The following SLTM variants were observed in gnomAD, a reference collection of about 807,000 sequenced individuals.
SLTM encodes the protein SAFB-like transcription modulator.
Under a neutral mutation model 134.6 loss-of-function variants are expected in SLTM, and 43 were observed. The ratio of observed to expected loss-of-function variants is 0.32; its 90% CI spans 0.25 to 0.41. The LOEUF is 0.41. Ranked by LOEUF, SLTM falls within the 10% of genes least tolerant of loss-of-function variation. The pLI is 1.00. For missense variants in SLTM, 1,055 were observed against 1,288.8 expected, an observed-to-expected ratio of 0.82 and a Z score of 2.78; for synonymous variants, 424 against 432.3, an observed-to-expected ratio of 0.98 and a Z score of 0.24.
At position 58,889,584 on chromosome 15, in the gene SLTM, C is replaced by G; in HGVS notation, c.2080-30G>C. ...AGACAACACAGAATGAAGAACCAAC[C>G]AAGGCAAAATGAAAACATAAGATAA... On this transcript the variant is annotated intron_variant, in intron 15 of 20. Transcript: ENST00000380516. 1.9e-6 allele frequency: 3 copies of G among 1,611,506 alleles called. No individual in the cohort carries two copies. In the South Asian group the frequency reaches 3.3e-5, roughly 18 times the overall value.
Position 58,933,494 on chromosome 15 carries a change from A to T in SLTM, c.72T>A (p.Asp24Glu), listed in dbSNP as rs1451449036. 1.2e-6 allele frequency: 2 copies of T among 1,600,404 alleles called. No individual in the cohort carries two copies. The highest frequency in any genetic ancestry group is 1.4e-5 in the African/African-American group (1 of 73,456). Residue 24 changes from aspartate (D) to glutamate (E), a missense_variant, in exon 1 of 21, where the codon GAT (aspartate) becomes GAA (glutamate). Transcript: ENST00000380516. ...SGQAEGKKIT[D>E]LRVIDLKSEL... is the part of the protein sequence containing the mutation. ...CGGACTTCAGATCGATGACCCGCAG[A>T]TCGGTGATCTTTTTACCTTCCGCCT... is the stretch of plus-strand genomic sequence containing the variant.
intron 15 of SLTM, 174 bp downstream of exon 15, chr15:58,890,107 A>AAGT: frequency 1.5e-6 from 1 of 669,564 alleles, no homozygotes. Flanking sequence ...AGTCACTACT[A>AAGT]ATTCTATTTT....
chr15:58,895,338 A>C (rs1379012187), intron 9 of SLTM, among the ~76,000 whole-genome samples: 1 of 152,216 alleles, frequency 6.6e-6, no homozygotes, highest in Non-Finnish European at 1.5e-5. Context: ...CCCCCGAAAA[A>C]CACCCTAAAG....
In SLTM at chr15:58,897,063, C is replaced by T. The variant is rs1054992234; in HGVS notation, c.1227+52G>A. On this transcript the variant is annotated intron_variant, in intron 9 of 20. Transcript: ENST00000380516. ...GTAATACTATTTAGAATACAATCCT[C>T]ATTTCAAATGCAGACACCAGAAAGA... 2.8e-5 allele frequency: 29 copies of T among 1,030,102 alleles called. No individual in the cohort carries two copies. The East Asian group carries it at 5.7e-4, about 20-fold the overall frequency. 63.8% of individuals were successfully genotyped at this position (1,030,102 alleles called of 1,614,324 possible). A position where few individuals can be genotyped will look rare whatever the true frequency, so the allele number is the denominator to read the frequency against.
chr15:58,930,208 G>A (rs1257294845), intron 2 of SLTM, among the ~76,000 whole-genome samples: 2 of 151,372 alleles, frequency 1.3e-5, no homozygotes, highest in Non-Finnish European at 2.9e-5. Flanking sequence ...GGGTTCAAGC[G>A]ATTCTCCTGT....
chr15:58,922,527 C>T (rs148655568), intron 2 of SLTM, among the ~76,000 whole-genome samples: 3 of 128,802 alleles, frequency 2.3e-5, no homozygotes, highest in Non-Finnish European at 4.7e-5. Flanking sequence ...AAAATTTATA[C>T]GTATATAATA....
intron 14 of SLTM, among the ~76,000 whole-genome samples, chr15:58,892,204 C>A (rs539667647): frequency 6.6e-6 from 1 of 152,284 alleles, no homozygotes; most frequent in East Asian, 1.9e-4. Context: ...AACACACCCA[C>A]AAGACTATTT....
At chr15:58,886,944 A>G (rs2034256833) in intron 19 of SLTM, 31 bp downstream of exon 19, 2 of 1,611,420 alleles carry the variant, frequency 1.2e-6, no homozygotes, top group Non-Finnish European at 1.7e-6. Flanking sequence ...GTATGTGTGC[A>G]GGCTCGCGGC....
chr15:58,901,890 C>CAA (rs34611836), intron 5 of SLTM, among the ~76,000 whole-genome samples: 57 of 128,540 alleles, frequency 4.4e-4, no homozygotes, highest in African/African-American at 1.4e-3. Flanking sequence ...ATCCCTGTCT[C>CAA]AAAAAAAAAA....
In SLTM at chr15:58,893,301, G is replaced by C; in HGVS notation, c.1712C>G (p.Ser571Ter). ...TACTTTCTCATATCTTCCTCTTCTT[G>C]ATGGTCTACAATGATCTCCTTTAGT... The part of the protein sequence containing the change: ...DQTKGDHCRP[S>*]RRGRYEKIHG... The change falls in exon 13 of 21, where the codon TCA becomes TGA. Residue 571 changes from serine (S) to a stop codon, truncating the protein, a stop_gained. Transcript: ENST00000380516. LOFTEE classifies it high-confidence loss of function. 6.2e-7 allele frequency: 1 copy of C among 1,610,948 alleles called. No homozygotes were observed. Among genetic ancestry groups the C allele is most frequent in the Non-Finnish European group, 8.5e-7 (1 of 1,178,530 alleles).
At chr15:58,912,425 T>A (rs1257774582) in intron 5 of SLTM, 138 bp downstream of exon 5, 1 of 809,790 alleles carries the variant, frequency 1.2e-6, no homozygotes, top group Non-Finnish European at 2.0e-6. Flanking sequence ...TTAAGTACTT[T>A]GTGTACATCA....
chr15:58,912,506 C>G lies in SLTM; in HGVS notation c.561+57G>C. On this transcript the variant is annotated intron_variant, in intron 5 of 20. Coordinates refer to ENST00000380516, the MANE Select transcript of SLTM (RefSeq NM_024755.4). ...GAATTATGAAGTCAAAATAAGATTC[C>G]TTTTCCAAGCCCGTCCACCCACAAT... is the stretch of plus-strand genomic sequence containing the variant. 3 of 1,418,628 alleles carry G rather than the reference C, an allele frequency of 2.1e-6. No homozygotes were observed. The South Asian group carries it at 3.5e-5, about 16-fold the overall frequency. The allele number at this position is 1,418,628 out of a possible 1,614,324, so 87.9% of individuals were successfully genotyped here. A position where few individuals can be genotyped will look rare whatever the true frequency, so the allele number is the denominator to read the frequency against.
At chr15:58,916,277 G>T (rs191921067) in intron 3 of SLTM, among the ~76,000 whole-genome samples, 41 of 151,184 alleles carry the variant, frequency 2.7e-4, no homozygotes, top group African/African-American at 9.5e-4. Flanking sequence ...GAGTTCAAGC[G>T]ATTCTCCTGC....
chr15:58,883,540 T>C (rs2033914200), intron 20 of SLTM, 86 bp downstream of exon 20: 1 of 1,546,956 alleles, frequency 6.5e-7, no homozygotes, highest in Non-Finnish European at 8.8e-7. Flanking sequence ...GTAGTTGCAA[T>C]TCAGTCTCTC....
intron 16 of SLTM, chr15:58,889,116 C>A: frequency 4.3e-6 from 1 of 231,498 alleles, no homozygotes. Flanking sequence ...TTATGACTTC[C>A]ATTTCTATAC....
In SLTM at chr15:58,894,445, A is replaced by C; in HGVS notation, c.1365T>G (p.Ile455Met). 1 of 1,614,114 alleles carries C rather than the reference A, an allele frequency of 6.2e-7. No individual in the cohort carries two copies. Among genetic ancestry groups the C allele is most frequent in the Non-Finnish European group, 8.5e-7 (1 of 1,179,998 alleles). Residue 455 changes from isoleucine (I) to methionine (M), a missense_variant, in exon 10 of 21, where the codon ATT (isoleucine) becomes ATG (methionine). Physicochemically the swap from Ile to Met is conservative, Grantham distance 10 (BLOSUM62 1). Transcript: ENST00000380516. ...LHRTELHGQLISVEKVKGDPS... is the reference protein window; with the variant it reads ...LHRTELHGQLMSVEKVKGDPS... Reference sequence around the variant, plus strand: ...TAGGGAAGCTTACTTTTTCAACAGAAATCAGCTGTCCATGCAGCTCAGTGC... The same window carrying C: ...TAGGGAAGCTTACTTTTTCAACAGACATCAGCTGTCCATGCAGCTCAGTGC...
At chr15:58,884,638 A>AT (rs578073386) in intron 19 of SLTM, among the ~76,000 whole-genome samples, 2,071 of 146,642 alleles carry the variant, frequency 0.014, 49 homozygotes, top group African/African-American at 0.048. Flanking sequence ...TTAAAAAATA[A>AT]TTTTTTTTTT....
intron 8 of SLTM, chr15:58,897,512 A>G (rs2035179881): frequency 3.5e-6 from 1 of 284,812 alleles, no homozygotes; most frequent in Non-Finnish European, 6.7e-6. Flanking sequence ...TTAATAATTT[A>G]TAGTCTACCA....
At chr15:58,923,047 A>G (rs1040419229) in intron 2 of SLTM, among the ~76,000 whole-genome samples, 17 of 152,044 alleles carry the variant, frequency 1.1e-4, no homozygotes, top group African/African-American at 4.1e-4. Flanking sequence ...ATAATGGAGT[A>G]AGTCCTATGC....
Sources: gnomAD v4.1 joint callset for allele counts (sites outside exome capture counted in the v4.1 genomes callset) on GRCh38, gnomAD v4.1.1 for gene constraint, MANE v1.5 for transcripts, NCBI Gene and HGNC (gene_info 2026-07-23, HGNC 2026-07-21) for gene names.